WNT3: variants seen among roughly 807,000 people sequenced by gnomAD.
WNT3 encodes the protein Wnt family member 3.
In WNT3, 7 loss-of-function variants were observed where a neutral mutation model predicts 34.2. The observed-to-expected ratio is 0.20, with a 90% CI of 0.12 to 0.38. The LOEUF (loss-of-function observed/expected upper bound fraction) is 0.38, where lower values mean the gene tolerates loss of function less well. Ranked by LOEUF, WNT3 falls within the 10% of genes least tolerant of loss-of-function variation. The pLI, the probability that WNT3 is intolerant of heterozygous loss-of-function variation, is 1.00. For missense variants in WNT3, 267 were observed against 499.8 expected (o/e 0.53, Z 4.44); for synonymous variants, 212 against 211.5 (o/e 1.00, Z -0.02).
chr17:46,778,670 T>C (rs1198816132), intron 1 of WNT3, among the ~76,000 whole-genome samples: 1 of 152,222 alleles, frequency 6.6e-6, no homozygotes, highest in Non-Finnish European at 1.5e-5. Flanking sequence ...GCTCCTCGAT[T>C]CTTTGTGCCA....
intron 4 of WNT3, among the ~76,000 whole-genome samples, chr17:46,765,583 A>C (rs2059305091): frequency 6.6e-6 from 1 of 152,226 alleles, no homozygotes; most frequent in African/African-American, 2.4e-5. Flanking sequence ...CAGGGAAGAC[A>C]AGAGAACAGC....
rs897086575 is a variant in WNT3, at chr17:46,771,836, G to A, written c.323-1788C>T. 4.2e-5 allele frequency among the ~76,000 whole-genome samples: 6 copies of A among 144,476 alleles called. No homozygotes were observed. The East Asian group carries it at 1.0e-3, about 24-fold the overall frequency. The allele number at this position is 144,476 out of a possible 152,430, so 94.8% of individuals were successfully genotyped here. A position where few individuals can be genotyped will look rare whatever the true frequency, so the allele number is the denominator to read the frequency against. On this transcript the variant is annotated intron_variant, in intron 2 of 4. Transcript: ENST00000225512. ...GGCGCGGCGGCCGCGCGGTGGGGGGGCGGTGCTCGGGCGCTTTTCAGGCCG... is the reference window on the plus strand; with the variant it reads ...GGCGCGGCGGCCGCGCGGTGGGGGGACGGTGCTCGGGCGCTTTTCAGGCCG...
At position 46,811,122 on chromosome 17, in the gene WNT3, AC is replaced by A. The variant is rs201250346; in HGVS notation, c.80+7395del. ...CCCGGCTGTACAGGCCAGGCTGCAA[AC>A]AGATAAATCGACACTACTGGCTTCA... On this transcript the variant is annotated intron_variant, in intron 1 of 4. Coordinates refer to ENST00000225512, the MANE Select transcript of WNT3 (RefSeq NM_030753.5). Among the ~76,000 whole-genome samples the A allele has an allele frequency of 1.7e-4, 25 of 145,362 alleles. 5 individuals carry two copies. The highest frequency in any genetic ancestry group is 2.0e-4 in the Admixed American group (3 of 14,704).
At chr17:46,789,204 G>C (rs12948390) in intron 1 of WNT3, among the ~76,000 whole-genome samples, 20,741 of 152,072 alleles carry the variant, frequency 0.14, 1,597 homozygotes, top group African/African-American at 0.22. Context: ...GGGGCCCAGA[G>C]GCCACCCTCC....
chr17:46,769,681 C>G, intron 3 of WNT3, 102 bp downstream of exon 3: 1 of 1,509,516 alleles, frequency 6.6e-7, no homozygotes, highest in Non-Finnish European at 9.0e-7. Flanking sequence ...GAGCCCGCGA[C>G]CCACAGGGCT....
rs1422460067 is a variant in WNT3 at position 46,816,127 on chromosome 17, A to ACACACG, written c.80+2390_80+2391insCGTGTG. 3.2e-3 allele frequency among the ~76,000 whole-genome samples: 405 copies of ACACACG among 128,438 alleles called. 3 individuals are homozygous for ACACACG. The East Asian group carries it at 0.038, about 12-fold the overall frequency. The allele number at this position is 128,438 out of a possible 152,430, so 84.3% of individuals were successfully genotyped here. On this transcript the variant is annotated intron_variant, in intron 1 of 4. Coordinates refer to ENST00000225512, the MANE Select transcript of WNT3 (RefSeq NM_030753.5). ...CGCGCGCACGTACACACACACACAC[A>ACACACG]CACTCACACACACGCACGCACGCAC... is the stretch of plus-strand genomic sequence containing the variant.
intron 1 of WNT3, among the ~76,000 whole-genome samples, chr17:46,815,612 GC>G (rs1355053348): frequency 1.3e-5 from 2 of 152,048 alleles, no homozygotes; most frequent in East Asian, 3.9e-4. Flanking sequence ...CTACCCTACA[GC>G]CCCAGCCCTA....
intron 4 of WNT3, among the ~76,000 whole-genome samples, chr17:46,765,774 T>TG (rs1351868807): frequency 6.6e-6 from 1 of 152,228 alleles, no homozygotes; most frequent in African/African-American, 2.4e-5. Context: ...TGTGAGCAGC[T>TG]GGGTCCTGGG....
chr17:46,784,796 G>A (rs199503), intron 1 of WNT3, among the ~76,000 whole-genome samples: 19,779 of 127,858 alleles, frequency 0.15, 1,845 homozygotes, highest in Middle Eastern at 0.25. Context: ...TTTTTTTTGA[G>A]ATGGAGTCTC....
intron 1 of WNT3, among the ~76,000 whole-genome samples, chr17:46,790,801 C>T (rs2083975096): frequency 6.6e-6 from 1 of 152,246 alleles, no homozygotes; most frequent in South Asian, 2.1e-4. Flanking sequence ...TTCCGTCCAC[C>T]TTGGCAGAAA....
In WNT3 at chr17:46,773,651, C is replaced by A. The variant is rs2059392731; in HGVS notation, c.322+17G>T. ...CCCCACCCAGCCCCTCCCCCCCCCT[C>A]AGCCCCAAGGCAGTACCTTTGTCGA... On this transcript the variant is annotated intron_variant, in intron 2 of 4. Transcript: ENST00000225512. The A allele has an allele frequency of 7.3e-7, 1 of 1,376,150 alleles. No individual in the cohort carries two copies. 85.2% of individuals were successfully genotyped at this position (1,376,150 alleles called of 1,614,324 possible).
rs568530463 is a variant in WNT3, at chr17:46,771,088, G to C, written c.323-1040C>G. On this transcript the variant is annotated intron_variant, in intron 2 of 4. Transcript: ENST00000225512. ...CTGGGCTGTGGGCCGAGTGCTGCAA[G>C]AAGGAAGCCCGGGACCCCTCTTGGC... Among the ~76,000 whole-genome samples, 4 of 152,258 alleles carry C rather than the reference G, an allele frequency of 2.6e-5. No homozygotes were observed. In the South Asian group the frequency reaches 6.2e-4, roughly 24 times the overall value.
At chr17:46,818,145 G>A (rs2084376942) in intron 1 of WNT3, among the ~76,000 whole-genome samples, 1 of 152,060 alleles carries the variant, frequency 6.6e-6, no homozygotes, top group Non-Finnish European at 1.5e-5. Context: ...ATGGAGAAGA[G>A]GAGTGGCTGG....
At chr17:46,810,010 T>C (rs2084251656) in intron 1 of WNT3, among the ~76,000 whole-genome samples, 1 of 148,538 alleles carries the variant, frequency 6.7e-6, no homozygotes, top group Admixed American at 6.6e-5. Flanking sequence ...CTTTCTTTTT[T>C]TTTTTTTTTT....
chr17:46,813,184 A>G (rs558634251), intron 1 of WNT3, among the ~76,000 whole-genome samples: 3 of 152,070 alleles, frequency 2.0e-5, no homozygotes, highest in African/African-American at 7.2e-5. Flanking sequence ...TGTGTGCAGT[A>G]GAGTGTCATG....
At chr17:46,783,351 G>A (rs76140119) in intron 1 of WNT3, among the ~76,000 whole-genome samples, 149,369 of 152,316 alleles carry the variant, frequency 0.98, 73,298 homozygotes, top group East Asian at 1. Flanking sequence ...AGAGCAGGTT[G>A]AAGTCTGGCC....
At chr17:46,809,872 G>C (rs1341995000) in intron 1 of WNT3, among the ~76,000 whole-genome samples, 1 of 152,142 alleles carries the variant, frequency 6.6e-6, no homozygotes, top group African/African-American at 2.4e-5. Context: ...GGACTCCCCT[G>C]TCCAGCCCCA....
At chr17:46,774,867 G>A (rs537827876) in intron 1 of WNT3, among the ~76,000 whole-genome samples, 1 of 152,324 alleles carries the variant, frequency 6.6e-6, no homozygotes, top group African/African-American at 2.4e-5. Flanking sequence ...AAAATGATCC[G>A]TGAGTGTCAG....
At position 46,768,595 on chromosome 17, in the gene WNT3, G is replaced by A. The variant is rs2059335270; in HGVS notation, c.793C>T (p.Leu265Phe). 1.9e-6 allele frequency: 3 copies of A among 1,614,196 alleles called. No homozygotes were observed. The highest frequency in any genetic ancestry group is 8.5e-7 in the Non-Finnish European group (1 of 1,180,044). ...TCCCTCTCCGTGGGTGGCTTGAAGAGCGAGTACTTGGCCCGGAGGGTCTCC... is the reference window on the plus strand; with the variant it reads ...TCCCTCTCCGTGGGTGGCTTGAAGAACGAGTACTTGGCCCGGAGGGTCTCC... The part of the protein sequence containing the change: ...WVETLRAKYS[L>F]FKPPTERDLV... The change falls in exon 4 of 5, where the codon CTC becomes TTC. Residue 265 changes from leucine to phenylalanine, a missense_variant. By Grantham distance (22) the Leu-to-Phe change is conservative. Coordinates refer to ENST00000225512, the MANE Select transcript of WNT3 (RefSeq NM_030753.5). The surrounding 1 kb of genome is among the most constrained non-coding windows in gnomAD (Gnocchi z 5.0).
Sources: allele counts gnomAD v4.1 joint callset (sites outside exome capture counted in the v4.1 genomes callset), GRCh38; gene constraint gnomAD v4.1.1; non-coding constraint Gnocchi (gnomAD v3.1); transcripts MANE v1.5; gene names NCBI Gene and HGNC (gene_info 2026-07-23, HGNC 2026-07-21).